EYS: variants seen among roughly 807,000 people sequenced by gnomAD.
EYS encodes EGF-like photoreceptor maintenance factor, also known as protein eyes shut homolog.
EYS carries 250 observed loss-of-function variants against 282.1 expected under a neutral mutation model. That is an observed-to-expected ratio of 0.89 (90% CI 0.80 to 0.98). EYS has a LOEUF of 0.98. EYS is among the 50% of genes least tolerant of loss of function. The pLI, the probability that EYS is intolerant of heterozygous loss-of-function variation, is 0.00. For synonymous variants in EYS, 1,355 were observed against 1,282.9 expected (o/e 1.06, Z -1.20); for missense variants, 4,016 against 3,709.0 (o/e 1.08, Z -2.15).
Position 63,720,622 on chromosome 6 carries a change from C to T in EYS, c.9409G>A (p.Gly3137Arg). ...IKLEGYNVYD[G>R]DEQNEVT The stretch of plus-strand genomic sequence containing the variant: ...TATGTAACCTCATTTTGTTCATCTC[C>T]ATCATAAACATTGTATCCTTCTAAT... Residue 3137 changes from glycine (G) to arginine (R), a missense_variant, in exon 43 of 43, where the codon GGA becomes AGA. Physicochemically the swap from Gly to Arg is moderately radical, Grantham distance 125. Transcript: ENST00000503581. 3 of 1,498,730 alleles carry T rather than the reference C, an allele frequency of 2.0e-6. No individual in the cohort carries two copies. The highest frequency in any genetic ancestry group is 1.4e-5 in the South Asian group (1 of 73,960). The allele number at this position is 1,498,730 out of a possible 1,614,324, so 92.8% of individuals were successfully genotyped here. A position where few individuals can be genotyped will look rare whatever the true frequency, so the allele number is the denominator to read the frequency against.
At chr6:64,963,708 T>C (rs1770002262) in intron 14 of EYS, among the ~76,000 whole-genome samples, 1 of 152,172 alleles carries the variant, frequency 6.6e-6, no homozygotes, top group Non-Finnish European at 1.5e-5. Flanking sequence ...ACTAATAATA[T>C]TATCTATGTT....
At chr6:64,698,519 G>A (rs7744345) in intron 22 of EYS, among the ~76,000 whole-genome samples, 121,490 of 152,088 alleles carry the variant, frequency 0.8, 48,903 homozygotes, top group Non-Finnish European at 0.86. Context: ...CTACACAGCA[G>A]CAGAAATTAT....
At chr6:64,342,056 T>C (rs571374283) in intron 29 of EYS, among the ~76,000 whole-genome samples, 1 of 151,516 alleles carries the variant, frequency 6.6e-6, no homozygotes, top group African/African-American at 2.4e-5. Context: ...TTAAAACAGA[T>C]CTTTAGATAT....
At chr6:64,036,879 G>T (rs1195750679) in intron 33 of EYS, among the ~76,000 whole-genome samples, 1 of 152,162 alleles carries the variant, frequency 6.6e-6, no homozygotes, top group Non-Finnish European at 1.5e-5. Flanking sequence ...TAGTGGCAAT[G>T]CTAGGATTTG....
intron 12 of EYS, among the ~76,000 whole-genome samples, chr6:65,177,064 C>T (rs1189842918): frequency 6.6e-6 from 1 of 151,682 alleles, no homozygotes; most frequent in African/African-American, 2.4e-5. Context: ...CCTGTATAAA[C>T]ATAACATTAA....
At position 64,658,891 on chromosome 6, in the gene EYS, A is replaced by G. The variant is rs555014153; in HGVS notation, c.3444-32646T>C. 1.0e-3 allele frequency among the ~76,000 whole-genome samples: 158 copies of G among 152,298 alleles called. 2 individuals are homozygous for G. Among genetic ancestry groups the G allele is most frequent in the African/African-American group, 3.4e-3 (143 of 41,564 alleles). Reference sequence around the variant, plus strand: ...CTCAGCTCTGCACCAAGTGGACCTAATAGACATCTTCAGAACTCTCCACCC... The same window carrying G: ...CTCAGCTCTGCACCAAGTGGACCTAGTAGACATCTTCAGAACTCTCCACCC... On this transcript the variant is annotated intron_variant, in intron 22 of 42. Coordinates refer to ENST00000503581, the MANE Select transcript of EYS (RefSeq NM_001142800.2).
At chr6:64,393,401 A>C (rs1356382549) in intron 28 of EYS, among the ~76,000 whole-genome samples, 1 of 152,220 alleles carries the variant, frequency 6.6e-6, no homozygotes, top group Non-Finnish European at 1.5e-5. Context: ...TGGCAAAACG[A>C]ATCCAGCAAC....
At chr6:63,993,513 C>T (rs1344425671) in intron 34 of EYS, among the ~76,000 whole-genome samples, 1 of 151,758 alleles carries the variant, frequency 6.6e-6, no homozygotes, top group African/African-American at 2.4e-5. Context: ...AAATTAATTA[C>T]ATTTCTATAG....
At chr6:64,673,298 G>A (rs1378871920) in intron 22 of EYS, among the ~76,000 whole-genome samples, 1 of 152,052 alleles carries the variant, frequency 6.6e-6, no homozygotes, top group Non-Finnish European at 1.5e-5. Flanking sequence ...AGACATATAT[G>A]AGATGGAAGA....
intron 22 of EYS, among the ~76,000 whole-genome samples, chr6:64,747,246 G>T (rs541240699): frequency 2.6e-5 from 4 of 152,146 alleles, no homozygotes; most frequent in African/African-American, 9.7e-5. Context: ...TCCAGAGAAG[G>T]CTTTCCCATA....
Position 64,959,844 on chromosome 6 carries a change from G to T in EYS, c.2260-13930C>A, listed in dbSNP as rs1204272949. Among the ~76,000 whole-genome samples the T allele has an allele frequency of 2.0e-5, 3 of 147,474 alleles. No homozygotes were observed. In the South Asian group the frequency reaches 6.5e-4, roughly 32 times the overall value. ...AAAACTATGTTGTAAAGTTTCAGCT[G>T]CAAACACAGTTAAGTAGTTCACGAC... On this transcript the variant is annotated intron_variant, in intron 14 of 42. Coordinates refer to ENST00000503581, the MANE Select transcript of EYS (RefSeq NM_001142800.2).
rs185172954 is a variant in EYS at position 65,266,044 on chromosome 6, A to T, written c.2023+29819T>A. Among the ~76,000 whole-genome samples, 22 of 144,412 alleles carry T rather than the reference A, an allele frequency of 1.5e-4. No homozygotes were observed. In the East Asian group the frequency reaches 3.7e-3, roughly 24 times the overall value. The allele number at this position is 144,412 out of a possible 152,430, so 94.7% of individuals were successfully genotyped here. A position where few individuals can be genotyped will look rare whatever the true frequency, so the allele number is the denominator to read the frequency against. ...AAGAAAAAAATATGTTTGCCTTGTA[A>T]GTAAGAAATACAGTATTATCCTTCC... On this transcript the variant is annotated intron_variant, in intron 12 of 42. Transcript: ENST00000503581.
chr6:64,219,391 A>G (rs1766023464), intron 31 of EYS, among the ~76,000 whole-genome samples: 1 of 152,256 alleles, frequency 6.6e-6, no homozygotes. Flanking sequence ...AGTCAGTGTT[A>G]GAAGAAATGA....
At chr6:65,473,939 T>C (rs1036197146) in intron 5 of EYS, among the ~76,000 whole-genome samples, 2 of 151,652 alleles carry the variant, frequency 1.3e-5, no homozygotes, top group African/African-American at 2.4e-5. Flanking sequence ...AATGATGAGG[T>C]TCTTGGGACT....
At chr6:64,978,147 G>C (rs1453166848) in intron 14 of EYS, among the ~76,000 whole-genome samples, 1 of 151,934 alleles carries the variant, frequency 6.6e-6, no homozygotes, top group Non-Finnish European at 1.5e-5. Flanking sequence ...CACAGTTAGA[G>C]AGGAGATGTC....
chr6:64,235,574 G>A (rs1185752986), intron 30 of EYS, among the ~76,000 whole-genome samples: 1 of 152,106 alleles, frequency 6.6e-6, no homozygotes, highest in Non-Finnish European at 1.5e-5. Context: ...CTTTATAGCA[G>A]CATGATTTAT....
At chr6:64,808,004 T>G (rs1764486157) in intron 22 of EYS, among the ~76,000 whole-genome samples, 1 of 149,624 alleles carries the variant, frequency 6.7e-6, no homozygotes, top group African/African-American at 2.5e-5. Flanking sequence ...CTTACTTCCT[T>G]CCTCCCTCCC....
intron 28 of EYS, among the ~76,000 whole-genome samples, chr6:64,416,675 CT>C (rs1398282747): frequency 6.6e-6 from 1 of 152,024 alleles, no homozygotes; most frequent in African/African-American, 2.4e-5. Context: ...GGAGGTTTAA[CT>C]TTATTTCTGC....
chr6:65,415,148 T>C (rs867875038), intron 5 of EYS, among the ~76,000 whole-genome samples: 2 of 152,148 alleles, frequency 1.3e-5, no homozygotes, highest in South Asian at 4.1e-4. Context: ...GAACTGTTTC[T>C]ATGGTATAGT....
Sources: allele counts gnomAD v4.1 joint callset (sites outside exome capture counted in the v4.1 genomes callset), GRCh38; gene constraint gnomAD v4.1.1; transcripts MANE v1.5; gene names NCBI Gene and HGNC (gene_info 2026-07-23, HGNC 2026-07-21).